SPTAN1: variants seen among roughly 807,000 people sequenced by gnomAD.
SPTAN1 encodes the protein spectrin alpha, non-erythrocytic 1.
Under a neutral mutation model 331.3 loss-of-function variants are expected in SPTAN1, and 61 were observed. The observed-to-expected ratio is 0.18, with a 90% confidence interval of 0.15 to 0.23. The LOEUF (loss-of-function observed/expected upper bound fraction) is 0.23, where lower values mean the gene tolerates loss of function less well. SPTAN1 is among the 10% of genes least tolerant of loss of function. SPTAN1 has a pLI of 1.00. For missense variants in SPTAN1, 2,043 were observed against 3,147.9 expected, an observed-to-expected ratio of 0.65 and a Z score of 8.40; for synonymous variants, 1,153 against 1,173.9, an observed-to-expected ratio of 0.98 and a Z score of 0.36.
In SPTAN1 at chr9:128,608,811, T is replaced by A. The variant is rs947595548; in HGVS notation, c.4492-63T>A. ...AAAATAACTATCCTTTTCTCAAGAC[T>A]GGCAGTCCAGGCAGGGCCCAGCCAC... On this transcript the variant is annotated intron_variant, in intron 34 of 56. Transcript: ENST00000372739. 2.7e-6 allele frequency: 4 copies of A among 1,501,296 alleles called. No individual in the cohort carries two copies. The African/African-American group carries it at 4.1e-5, about 15-fold the overall frequency. The allele number at this position is 1,501,296 out of a possible 1,614,324, so 93.0% of individuals were successfully genotyped here.
intron 1 of SPTAN1, among the ~76,000 whole-genome samples, chr9:128,554,266 C>T (rs1256575230): frequency 6.6e-6 from 1 of 152,156 alleles, no homozygotes; most frequent in Admixed American, 6.5e-5. Flanking sequence ...AAGTGTGAAG[C>T]AGTTCTTATG....
chr9:128,624,611 A>C (rs188680809), intron 46 of SPTAN1, 124 bp downstream of exon 46: 122 of 1,216,968 alleles, frequency 1.0e-4, no homozygotes, highest in Admixed American at 2.6e-4. Context: ...AGAACCTACT[A>C]CCAGGGCAGA....
At chr9:128,560,887 G>A (rs1849239587) in intron 1 of SPTAN1, among the ~76,000 whole-genome samples, 1 of 151,624 alleles carries the variant, frequency 6.6e-6, no homozygotes, top group Admixed American at 6.6e-5. Flanking sequence ...GTGGTGGCGG[G>A]TGCCTGTAAT....
chr9:128,588,531 G>A (rs547022499), intron 20 of SPTAN1, among the ~76,000 whole-genome samples: 30 of 151,230 alleles, frequency 2.0e-4, no homozygotes, highest in Admixed American at 4.6e-4. Context: ...GGCTGGTCTC[G>A]AACCCCCGAC....
chr9:128,612,325 C>T (rs1856658118), intron 39 of SPTAN1, 79 bp downstream of exon 39: 1 of 1,586,942 alleles, frequency 6.3e-7, no homozygotes, highest in African/African-American at 1.3e-5. Context: ...GTGCCCAAAA[C>T]CACGAAAAGG....
chr9:128,563,417 A>C (rs1849643926), intron 1 of SPTAN1, among the ~76,000 whole-genome samples: 1 of 152,098 alleles, frequency 6.6e-6, no homozygotes, highest in South Asian at 2.1e-4. Context: ...CCTGCCAAAA[A>C]ACAAAAAACA....
chr9:128,597,395 G>T (rs1040622239), intron 24 of SPTAN1, among the ~76,000 whole-genome samples: 1 of 152,116 alleles, frequency 6.6e-6, no homozygotes, highest in Non-Finnish European at 1.5e-5. Flanking sequence ...ATAGTGGTGT[G>T]TGCCTATAGT....
At chr9:128,590,442 G>A (rs1430026687) in intron 21 of SPTAN1, among the ~76,000 whole-genome samples, 3 of 151,324 alleles carry the variant, frequency 2.0e-5, no homozygotes, top group East Asian at 3.9e-4. Flanking sequence ...GGTGGCTCAC[G>A]CCTGTAGTCC....
At chr9:128,581,645 A>G (rs1317913935) in intron 11 of SPTAN1, 137 bp from the exon 12 acceptor site, 4 of 760,556 alleles carry the variant, frequency 5.3e-6, no homozygotes, top group African/African-American at 5.2e-5. Flanking sequence ...GACTTCCTAG[A>G]AGAGATCTTA....
chr9:128,585,330 C>T (rs931546388), intron 18 of SPTAN1, among the ~76,000 whole-genome samples: 2 of 152,152 alleles, frequency 1.3e-5, no homozygotes, highest in East Asian at 1.9e-4. Flanking sequence ...CGCCTGGCTC[C>T]GAGCCTGAAT....
chr9:128,628,035 G>A, intron 51 of SPTAN1, 93 bp downstream of exon 51: 2 of 1,513,568 alleles, frequency 1.3e-6, no homozygotes, highest in African/African-American at 2.7e-5. Context: ...TCCCGGGATG[G>A]GCCTTCCTGC....
Position 128,585,758 on chromosome 9 carries a change from T to C in SPTAN1, c.2571T>C (p.Ala857=), listed in dbSNP as rs746096234. 3 of 1,614,064 alleles carry C rather than the reference T, an allele frequency of 1.9e-6. No homozygotes were observed. The highest frequency in any genetic ancestry group is 2.5e-6 in the Non-Finnish European group (3 of 1,180,038). The change falls in exon 19 of 57, where the codon GCT becomes GCC. Residue 857 remains alanine, a synonymous_variant. Coordinates refer to ENST00000372739, the MANE Select transcript of SPTAN1 (RefSeq NM_001130438.3). ...CTACCCATCTTCCAGGCCATTTTGC[T>C]GCAGAGGATGTGAAGGCCAAGCTTC... The part of the protein sequence containing the change: ...GNAMVEEGHF[A]AEDVKAKLHE...
intron 31 of SPTAN1, among the ~76,000 whole-genome samples, chr9:128,607,360 A>G (rs547512661): frequency 6.6e-6 from 1 of 152,308 alleles, no homozygotes; most frequent in South Asian, 2.1e-4. Flanking sequence ...AGAACTTGTT[A>G]TTCTGGAGGG....
At position 128,552,857 on chromosome 9, in the gene SPTAN1, C is replaced by G. The variant is rs1292777033; in HGVS notation, c.-4+161C>G. Reference sequence around the variant, plus strand: ...CTCCATTCGGCTGAGTGGGGGAAGCCGCTGCCGCTGCTTTTGTGGCGCGTG... The same window carrying G: ...CTCCATTCGGCTGAGTGGGGGAAGCGGCTGCCGCTGCTTTTGTGGCGCGTG... On this transcript the variant is annotated intron_variant, in intron 1 of 56. Coordinates refer to ENST00000372739, the MANE Select transcript of SPTAN1 (RefSeq NM_001130438.3). The surrounding 1 kb of genome is among the most constrained non-coding windows in gnomAD (Gnocchi z 4.6). 6.6e-6 allele frequency: 1 copy of G among 152,172 alleles called. No homozygotes were observed. The highest frequency in any genetic ancestry group is 1.5e-5 in the Non-Finnish European group (1 of 68,052). The allele number at this position is 152,172 out of a possible 1,614,324, so 9.4% of individuals were successfully genotyped here.
chr9:128,588,693 C>T (rs1853010364), intron 20 of SPTAN1, 116 bp from the exon 21 acceptor site: 1 of 1,416,302 alleles, frequency 7.1e-7, no homozygotes. Flanking sequence ...GAAGAATTCT[C>T]ATGAGTGTAT....
intron 45 of SPTAN1, chr9:128,622,224 T>C (rs771003904): frequency 6.6e-6 from 1 of 151,932 alleles, no homozygotes; most frequent in African/African-American, 2.4e-5. Context: ...CCAGACAACA[T>C]TCTCTGTTCT....
chr9:128,618,508 C>T (rs1373055841), intron 43 of SPTAN1, among the ~76,000 whole-genome samples: 3 of 151,754 alleles, frequency 2.0e-5, no homozygotes, highest in South Asian at 2.1e-4. Context: ...GTTTTTGAGA[C>T]GGGGTCTTGC....
rs765475658 is a variant in SPTAN1, at chr9:128,624,360, G to T, written c.5865G>T (p.Lys1955Asn). ...ACCATGAGGAGAACATCTCTTCAAA[G>T]ATGAAGGGCCTGAACGGGAAAGTGT... is the stretch of plus-strand genomic sequence containing the variant. ...NNHHEENISS[K>N]MKGLNGKVSD... The change falls in exon 46 of 57, where the codon AAG becomes AAT. Residue 1955 changes from lysine to asparagine, a missense_variant. Coordinates refer to ENST00000372739, the MANE Select transcript of SPTAN1 (RefSeq NM_001130438.3). 2 of 1,614,012 alleles carry T rather than the reference G, an allele frequency of 1.2e-6. No homozygotes were observed. Among genetic ancestry groups the T allele is most frequent in the Non-Finnish European group, 1.7e-6 (2 of 1,180,020 alleles).
rs1448733248 is a variant in SPTAN1 at position 128,615,756 on chromosome 9, C to T, written c.5273C>T (p.Ala1758Val). The part of the protein sequence containing the change: ...NGRFQKIKSM[A>V]ASRRAKLNES... ...CGCTTCCAGAAGATCAAGAGCATGG[C>T]GGCCTCCCGGCGAGCCAAGCTGAAT... is the stretch of plus-strand genomic sequence containing the variant. Residue 1758 changes from alanine to valine, a missense_variant, in exon 41 of 57, where the codon GCG becomes GTG. Coordinates refer to ENST00000372739, the MANE Select transcript of SPTAN1 (RefSeq NM_001130438.3). 7 of 1,614,234 alleles carry T rather than the reference C, an allele frequency of 4.3e-6. No individual in the cohort carries two copies. The highest frequency in any genetic ancestry group is 5.9e-6 in the Non-Finnish European group (7 of 1,180,054).
Sources: gnomAD v4.1 joint callset for allele counts (sites outside exome capture counted in the v4.1 genomes callset) on GRCh38, gnomAD v4.1.1 for gene constraint, Gnocchi (gnomAD v3.1) non-coding constraint, MANE v1.5 for transcripts, NCBI Gene and HGNC (gene_info 2026-07-23, HGNC 2026-07-21) for gene names.